SCAPER: variants seen among roughly 807,000 people sequenced by gnomAD.
SCAPER encodes the protein S-phase cyclin A associated protein in the ER.
SCAPER carries 98 observed loss-of-function variants against 182.2 expected under a neutral mutation model. The observed-to-expected ratio is 0.54, with a 90% CI of 0.46 to 0.64. The LOEUF is 0.64. SCAPER is among the 30% of genes least tolerant of loss of function. SCAPER has a pLI of 0.00. For synonymous variants in SCAPER, 605 were observed against 564.6 expected, an observed-to-expected ratio of 1.07 and a Z score of -1.01; for missense variants, 1,432 against 1,690.0, an observed-to-expected ratio of 0.85 and a Z score of 2.68.
At chr15:76,762,855 C>A (rs753851205) in intron 14 of SCAPER, among the ~76,000 whole-genome samples, 5 of 152,114 alleles carry the variant, frequency 3.3e-5, no homozygotes, top group Non-Finnish European at 5.9e-5. Flanking sequence ...TAAAGTCTTG[C>A]TATGTCGTCC....
At chr15:76,758,446 G>A (rs1387291484) in intron 14 of SCAPER, among the ~76,000 whole-genome samples, 2 of 152,108 alleles carry the variant, frequency 1.3e-5, no homozygotes, top group Admixed American at 6.5e-5. Context: ...TGGTCTGTGT[G>A]TATGTTTGTA....
intron 2 of SCAPER, among the ~76,000 whole-genome samples, chr15:76,871,036 A>C (rs1348366805): frequency 6.6e-6 from 1 of 152,246 alleles, no homozygotes; most frequent in Non-Finnish European, 1.5e-5. Context: ...AAGAAATAAT[A>C]AATGCAAGTC....
chr15:76,393,855 C>T (rs2043869061), intron 27 of SCAPER, among the ~76,000 whole-genome samples: 2 of 152,174 alleles, frequency 1.3e-5, no homozygotes, highest in Admixed American at 1.3e-4. Context: ...TGCAGAGACC[C>T]CACATGGAAA....
intron 17 of SCAPER, among the ~76,000 whole-genome samples, chr15:76,726,481 A>G (rs2060608582): frequency 6.6e-6 from 1 of 151,938 alleles, no homozygotes; most frequent in Non-Finnish European, 1.5e-5. Flanking sequence ...TAAAATTAGT[A>G]TATGATCCAA....
At chr15:76,396,705 A>T (rs1293108271) in intron 27 of SCAPER, among the ~76,000 whole-genome samples, 1 of 152,196 alleles carries the variant, frequency 6.6e-6, no homozygotes, top group Non-Finnish European at 1.5e-5. Context: ...CGGTTCTAAT[A>T]GCTTTTTGAT....
At chr15:76,665,232 C>G (rs534000927) in intron 21 of SCAPER, among the ~76,000 whole-genome samples, 1 of 152,304 alleles carries the variant, frequency 6.6e-6, no homozygotes, top group African/African-American at 2.4e-5. Flanking sequence ...CTTGTTGTGA[C>G]AGGCAACCAA....
chr15:76,809,408 C>T (rs1309220584), intron 5 of SCAPER, among the ~76,000 whole-genome samples: 3 of 151,796 alleles, frequency 2.0e-5, no homozygotes, highest in Admixed American at 2.0e-4. Flanking sequence ...TGCCAAGAGA[C>T]AGAAAATACA....
In SCAPER at chr15:76,831,439, A is replaced by C. The variant is rs145278031; in HGVS notation, c.393+10295T>G. 4.0e-3 allele frequency among the ~76,000 whole-genome samples: 599 copies of C among 150,280 alleles called. 5 individuals carry two copies. The highest frequency in any genetic ancestry group is 0.013 in the African/African-American group (512 of 40,710). On this transcript the variant is annotated intron_variant, in intron 5 of 31. Coordinates refer to ENST00000563290, the MANE Select transcript of SCAPER (RefSeq NM_020843.4). ...TAGACAGGACCCTGCCGGCACACACACACCCACAACATCCCCTTGTCAGCA... is the reference window on the plus strand; with the variant it reads ...TAGACAGGACCCTGCCGGCACACACCCACCCACAACATCCCCTTGTCAGCA...
intron 15 of SCAPER, among the ~76,000 whole-genome samples, chr15:76,748,162 G>T (rs1040207275): frequency 2.0e-5 from 3 of 151,936 alleles, no homozygotes; most frequent in African/African-American, 7.3e-5. Context: ...CGCTAATTTT[G>T]TATTTTTAGT....
chr15:76,889,371 C>A (rs2074036081), intron 1 of SCAPER, among the ~76,000 whole-genome samples: 1 of 152,148 alleles, frequency 6.6e-6, no homozygotes, highest in Non-Finnish European at 1.5e-5. Flanking sequence ...TTAAAAGACA[C>A]AGACTGGCAA....
Position 76,690,283 on chromosome 15 carries a change from T to C in SCAPER, c.2508+11475A>G, listed in dbSNP as rs189116960. Among the ~76,000 whole-genome samples the C allele has an allele frequency of 2.7e-3, 405 of 152,066 alleles. 2 individuals are homozygous for C. The highest frequency in any genetic ancestry group is 9.4e-3 in the African/African-American group (391 of 41,480). On this transcript the variant is annotated intron_variant, in intron 20 of 31. Coordinates refer to ENST00000563290, the MANE Select transcript of SCAPER (RefSeq NM_020843.4). ...AAAAAATCTATAAATATACTTCAAG[T>C]CATCAGGCGAACCCAAATGAGAGAC...
chr15:76,479,130 T>C (rs2050894324), intron 24 of SCAPER, among the ~76,000 whole-genome samples: 1 of 152,038 alleles, frequency 6.6e-6, no homozygotes, highest in Non-Finnish European at 1.5e-5. Flanking sequence ...AAAACTCTCC[T>C]GAGAAACTTT....
At chr15:76,782,205 A>G (rs1220137187) in intron 8 of SCAPER, among the ~76,000 whole-genome samples, 1 of 152,122 alleles carries the variant, frequency 6.6e-6, no homozygotes, top group African/African-American at 2.4e-5. Flanking sequence ...TACCAAGCAA[A>G]TGGAAAGCAA....
chr15:76,367,039 C>T (rs1449823262), intron 29 of SCAPER, among the ~76,000 whole-genome samples: 2 of 152,198 alleles, frequency 1.3e-5, no homozygotes, highest in African/African-American at 2.4e-5. Context: ...GATGGGGAAC[C>T]ATGTTCTGAC....
intron 25 of SCAPER, among the ~76,000 whole-genome samples, chr15:76,455,204 G>A (rs541699184): frequency 3.2e-4 from 49 of 152,048 alleles, no homozygotes; most frequent in African/African-American, 9.9e-4. Context: ...TGTTATTTCC[G>A]TTCCTCCAGC....
At position 76,354,212 on chromosome 15, in the gene SCAPER, C is replaced by T. The variant is rs575944408; in HGVS notation, c.3856-72G>A. 6.8e-5 allele frequency: 94 copies of T among 1,375,696 alleles called. No homozygotes were observed. The highest frequency in any genetic ancestry group is 3.0e-4 in the East Asian group (11 of 36,902). 85.2% of individuals were successfully genotyped at this position (1,375,696 alleles called of 1,614,324 possible). A position where few individuals can be genotyped will look rare whatever the true frequency, so the allele number is the denominator to read the frequency against. ...TGTCCCTCACCCACCTGCACAGTGTCGGCTAGTACCATGGAAAACATGCTG... is the reference window on the plus strand; with the variant it reads ...TGTCCCTCACCCACCTGCACAGTGTTGGCTAGTACCATGGAAAACATGCTG... On this transcript the variant is annotated intron_variant, in intron 29 of 31. Transcript: ENST00000563290. The surrounding 1 kb of genome is among the most constrained non-coding windows in gnomAD (Gnocchi z 4.4).
At chr15:76,455,622 A>G (rs2048671796) in intron 25 of SCAPER, among the ~76,000 whole-genome samples, 1 of 152,170 alleles carries the variant, frequency 6.6e-6, no homozygotes, top group Non-Finnish European at 1.5e-5. Context: ...TTATAGATGT[A>G]CACCACCACA....
rs1319304957 is a variant in SCAPER, at chr15:76,795,383, A to G, written c.669T>C (p.Ala223=). ...PRLAPTGVSW[A]DKVKAHHTGS... is the part of the protein sequence containing the mutation. ...CTGTATGATGAGCCTTTACCTTGTC[A>G]GCCCAACTGACACCTGTGGGAGCCA... Residue 223 remains alanine, a synonymous_variant, in exon 8 of 32, where the codon GCT becomes GCC. Transcript: ENST00000563290. The G allele has an allele frequency of 1.9e-6, 3 of 1,610,520 alleles. No individual in the cohort carries two copies. In the East Asian group the frequency reaches 6.7e-5, roughly 36 times the overall value.
Position 76,885,872 on chromosome 15 carries a change from A to C in SCAPER, c.-59-1996T>G. Among the ~76,000 whole-genome samples the C allele has an allele frequency of 1.3e-5, 2 of 152,262 alleles. 1 individual carries two copies. ...ACAAAAAGGCTAAAAGAAGTTCTTC[A>C]AGTTGAAACAAAAGAAGACTAAACA... On this transcript the variant is annotated intron_variant, in intron 1 of 31. Coordinates refer to ENST00000563290, the MANE Select transcript of SCAPER (RefSeq NM_020843.4).
Sources: allele counts gnomAD v4.1 joint callset (sites outside exome capture counted in the v4.1 genomes callset), GRCh38; gene constraint gnomAD v4.1.1; non-coding constraint Gnocchi (gnomAD v3.1); transcripts MANE v1.5; gene names NCBI Gene and HGNC (gene_info 2026-07-23, HGNC 2026-07-21).